The following SLC44A1 variants were observed in gnomAD, a reference collection of about 807,000 sequenced individuals.
The protein encoded by SLC44A1 is solute carrier family 44 member 1, also known as choline transporter-like protein 1.
Under a neutral mutation model 79.3 loss-of-function variants are expected in SLC44A1, and 26 were observed. That is an observed-to-expected ratio of 0.33 (90% CI 0.24 to 0.46). The LOEUF (loss-of-function observed/expected upper bound fraction) is 0.46, where lower values mean the gene tolerates loss of function less well. Among genes scored for constraint, SLC44A1 ranks in the 20% least tolerant of loss-of-function variants. The pLI, the probability that SLC44A1 is intolerant of heterozygous loss-of-function variation, is 1.00. For synonymous variants in SLC44A1, 263 were observed against 286.2 expected (o/e 0.92, Z 0.82); for missense variants, 688 against 798.1 (o/e 0.86, Z 1.66).
intron 4 of SLC44A1, among the ~76,000 whole-genome samples, chr9:105,343,085 T>C (rs1175385880): frequency 6.6e-6 from 1 of 152,074 alleles, no homozygotes; most frequent in Non-Finnish European, 1.5e-5. Context: ...GGAATTTTTA[T>C]TACCGTTTCC....
intron 1 of SLC44A1, among the ~76,000 whole-genome samples, chr9:105,287,132 G>A (rs1830497258): frequency 6.6e-6 from 1 of 152,112 alleles, no homozygotes; most frequent in Non-Finnish European, 1.5e-5. Context: ...TTGAATGAAT[G>A]GATTTTTAAG....
At chr9:105,284,040 C>T (rs1830419802) in intron 1 of SLC44A1, among the ~76,000 whole-genome samples, 1 of 152,068 alleles carries the variant, frequency 6.6e-6, no homozygotes, top group Non-Finnish European at 1.5e-5. Flanking sequence ...AAGCTAGGTG[C>T]CAGAGTTCAC....
intron 5 of SLC44A1, among the ~76,000 whole-genome samples, chr9:105,354,913 G>A (rs978999362): frequency 6.6e-6 from 1 of 152,210 alleles, no homozygotes; most frequent in African/African-American, 2.4e-5. Flanking sequence ...TAGAAACCTT[G>A]TAGTGCCCAA....
chr9:105,353,593 A>G (rs1335859215), intron 5 of SLC44A1, among the ~76,000 whole-genome samples: 1 of 152,146 alleles, frequency 6.6e-6, no homozygotes, highest in African/African-American at 2.4e-5. Context: ...AGAGAGAGAG[A>G]TGGAGTTACA....
intron 5 of SLC44A1, among the ~76,000 whole-genome samples, chr9:105,350,795 T>G (rs1447904902): frequency 6.6e-6 from 1 of 152,342 alleles, no homozygotes. Flanking sequence ...GGCACTTGAC[T>G]TAGGAGGTAT....
intron 13 of SLC44A1, among the ~76,000 whole-genome samples, chr9:105,374,978 TG>T (rs1482301626): frequency 6.6e-6 from 1 of 152,228 alleles, no homozygotes; most frequent in Non-Finnish European, 1.5e-5. Context: ...AGAGGGAAAC[TG>T]AGGCATGGAA....
At chr9:105,280,606 A>T (rs527866942) in intron 1 of SLC44A1, among the ~76,000 whole-genome samples, 60 of 152,362 alleles carry the variant, frequency 3.9e-4, no homozygotes, top group Admixed American at 1.8e-3. Context: ...TTAATAGAAG[A>T]AAACAGTATT....
At position 105,393,348 on chromosome 9, in the gene SLC44A1, G is replaced by C. The variant is rs1378098923; in HGVS notation, c.*4292G>C. 1 of 985,104 alleles carries C rather than the reference G, an allele frequency of 1.0e-6. No individual in the cohort carries two copies. The highest frequency in any genetic ancestry group is 1.2e-6 in the Non-Finnish European group (1 of 829,800). The allele number at this position is 985,104 out of a possible 1,614,324, so 61.0% of individuals were successfully genotyped here. A position where few individuals can be genotyped will look rare whatever the true frequency, so the allele number is the denominator to read the frequency against. On this transcript the variant is annotated 3_prime_UTR_variant, in exon 16 of 16. Transcript: ENST00000374720. ...CATAGTCCAAATTTTTAAAAAGCAA[G>C]ACCCTTGAATATGCCAAGAGAAAAT...
intron 3 of SLC44A1, among the ~76,000 whole-genome samples, chr9:105,316,934 G>T (rs1831343432): frequency 6.6e-6 from 1 of 152,218 alleles, no homozygotes; most frequent in Admixed American, 6.5e-5. Context: ...TAAATCAGAA[G>T]TCTGTGCACA....
intron 1 of SLC44A1, among the ~76,000 whole-genome samples, chr9:105,278,290 C>A (rs1830260218): frequency 6.6e-6 from 1 of 151,902 alleles, no homozygotes; most frequent in East Asian, 1.9e-4. Context: ...GCTCTGTCAC[C>A]CAGACTGGAG....
At chr9:105,264,988 G>C (rs889120635) in intron 1 of SLC44A1, among the ~76,000 whole-genome samples, 1 of 151,986 alleles carries the variant, frequency 6.6e-6, no homozygotes, top group Non-Finnish European at 1.5e-5. Flanking sequence ...TAGAGACGGG[G>C]TTTCTCCATG....
At chr9:105,427,570 G>A (rs976375206) in intron 15 of SLC44A1, among the ~76,000 whole-genome samples, 5 of 151,944 alleles carry the variant, frequency 3.3e-5, no homozygotes, top group South Asian at 2.1e-4. Context: ...CACTGCACCC[G>A]GCCTCAGAAA....
Position 105,396,444 on chromosome 9 carries a change from C to A in SLC44A1, c.*7388C>A, listed in dbSNP as rs1828876433. On this transcript the variant is annotated 3_prime_UTR_variant, in exon 16 of 16. Coordinates refer to ENST00000374720, the MANE Select transcript of SLC44A1 (RefSeq NM_080546.5). ...TCTGAAGACCAAAGGTCCAACTTTA[C>A]TTACTGGCTGGCACAGCCTTTCTGA... is the stretch of plus-strand genomic sequence containing the variant. The A allele has an allele frequency of 2.0e-6, 2 of 985,434 alleles. No individual in the cohort carries two copies. 61.0% of individuals were successfully genotyped at this position (985,434 alleles called of 1,614,324 possible).
intron 2 of SLC44A1, among the ~76,000 whole-genome samples, chr9:105,302,057 CTCTTT>C (rs950546651): frequency 1.2e-4 from 19 of 152,252 alleles, no homozygotes; most frequent in Admixed American, 1.1e-3. Flanking sequence ...ATTTGTACTT[CTCTTT>C]TATTTCTTCC....
chr9:105,323,263 G>C (rs1022891732), intron 3 of SLC44A1, among the ~76,000 whole-genome samples: 9 of 151,372 alleles, frequency 5.9e-5, no homozygotes, highest in Non-Finnish European at 5.9e-5. Context: ...ACCAAGGTAG[G>C]CATGTTTGAT....
chr9:105,412,484 A>G (rs2812296), intron 15 of SLC44A1, among the ~76,000 whole-genome samples: 151,803 of 152,344 alleles, frequency 1, 75,632 homozygotes, highest in Middle Eastern at 1. Context: ...AGTGAGCCCT[A>G]GTTCCTTTTA....
chr9:105,407,433 C>T (rs1353093900), intron 15 of SLC44A1, among the ~76,000 whole-genome samples: 4 of 152,300 alleles, frequency 2.6e-5, no homozygotes, highest in African/African-American at 9.6e-5. Context: ...AAGAGGGAAG[C>T]AGCTCACTAC....
chr9:105,265,381 A>G (rs1829937653), intron 1 of SLC44A1, among the ~76,000 whole-genome samples: 1 of 152,218 alleles, frequency 6.6e-6, no homozygotes, highest in Admixed American at 6.5e-5. Context: ...TATAAATGGA[A>G]TCATACAGTA....
chr9:105,401,987 G>A (rs1211889667), downstream of SLC44A1, among the ~76,000 whole-genome samples: 1 of 152,186 alleles, frequency 6.6e-6, no homozygotes, highest in Non-Finnish European at 1.5e-5. Context: ...GCAGGGATTA[G>A]CCAGATGATG....
Sources: gnomAD v4.1 joint callset for allele counts (sites outside exome capture counted in the v4.1 genomes callset) on GRCh38, gnomAD v4.1.1 for gene constraint, MANE v1.5 for transcripts, NCBI Gene and HGNC (gene_info 2026-07-23, HGNC 2026-07-21) for gene names.